Variants in MAPKAP1 observed in about 807,000 individuals in gnomAD.
MAPKAP1 encodes the protein target of rapamycin complex 2 subunit MAPKAP1.
In MAPKAP1, 20 loss-of-function variants were observed where a neutral mutation model predicts 65.7. The observed-to-expected ratio is 0.30, with a 90% CI of 0.21 to 0.44. MAPKAP1 has a LOEUF of 0.44. Among genes scored for constraint, MAPKAP1 ranks in the 20% least tolerant of loss-of-function variants. MAPKAP1 has a pLI of 1.00. For missense variants in MAPKAP1, 423 were observed against 648.0 expected, an observed-to-expected ratio of 0.65 and a Z score of 3.77; for synonymous variants, 222 against 244.3, an observed-to-expected ratio of 0.91 and a Z score of 0.85.
chr9:125,556,991 G>C (rs534711883), intron 6 of MAPKAP1, among the ~76,000 whole-genome samples: 1 of 152,304 alleles, frequency 6.6e-6, no homozygotes, highest in Non-Finnish European at 1.5e-5. Context: ...AAACACTCCA[G>C]ACACATCAAA....
intron 7 of MAPKAP1, among the ~76,000 whole-genome samples, chr9:125,531,740 G>C (rs771026155): frequency 1.3e-5 from 2 of 152,004 alleles, no homozygotes; most frequent in Non-Finnish European, 2.9e-5. Flanking sequence ...CCATCACCTA[G>C]ACCTATAGTC....
intron 3 of MAPKAP1, among the ~76,000 whole-genome samples, chr9:125,669,607 T>G (rs182615787): frequency 1.3e-5 from 2 of 152,290 alleles, no homozygotes; most frequent in Admixed American, 1.3e-4. Flanking sequence ...TCAATCCCTG[T>G]GACCCAGAGT....
chr9:125,547,661 G>A (rs1057269505), intron 6 of MAPKAP1, among the ~76,000 whole-genome samples: 3 of 152,120 alleles, frequency 2.0e-5, no homozygotes, highest in Non-Finnish European at 4.4e-5. Flanking sequence ...TTATCGGGGG[G>A]TGGGAGTCTC....
chr9:125,444,361 C>A, intron 11 of MAPKAP1, 140 bp downstream of exon 11: 1 of 641,672 alleles, frequency 1.6e-6, no homozygotes. Context: ...TGGCAAGCTG[C>A]GACACTCCTC....
intron 4 of MAPKAP1, chr9:125,652,380 A>G (rs1385388490): frequency 1.8e-6 from 1 of 557,484 alleles, no homozygotes; most frequent in African/African-American, 2.0e-5. Flanking sequence ...TTCAGGCTCG[A>G]CATTGTGGAA....
intron 1 of MAPKAP1, among the ~76,000 whole-genome samples, chr9:125,700,217 T>C (rs1362005320): frequency 1.3e-5 from 2 of 152,248 alleles, no homozygotes; most frequent in Non-Finnish European, 2.9e-5. Context: ...AAATACTCGC[T>C]TTATTTTCAA....
chr9:125,503,880 C>CTTCTTTTTTTT (rs1829057864), intron 8 of MAPKAP1, among the ~76,000 whole-genome samples: 1 of 66,258 alleles, frequency 1.5e-5, no homozygotes, highest in Non-Finnish European at 2.5e-5. Context: ...CCACGCTTGG[C>CTTCTTTTTTTT]TTTTTTTTTT....
At chr9:125,576,566 C>G (rs1021858485) in intron 5 of MAPKAP1, among the ~76,000 whole-genome samples, 5 of 152,216 alleles carry the variant, frequency 3.3e-5, no homozygotes, top group African/African-American at 7.2e-5. Context: ...CCTCTGATGC[C>G]CAGCCGAAGC....
intron 6 of MAPKAP1, among the ~76,000 whole-genome samples, chr9:125,545,050 A>G (rs939733787): frequency 2.6e-5 from 4 of 152,224 alleles, no homozygotes; most frequent in African/African-American, 9.6e-5. Context: ...ACCATCATCC[A>G]TTTTAACTTG....
chr9:125,603,419 T>G (rs1046996354), intron 4 of MAPKAP1, among the ~76,000 whole-genome samples: 14 of 152,040 alleles, frequency 9.2e-5, no homozygotes, highest in African/African-American at 3.4e-4. Flanking sequence ...AGCAAGCACA[T>G]GACATCAACA....
intron 1 of MAPKAP1, among the ~76,000 whole-genome samples, chr9:125,704,146 T>A (rs1319466712): frequency 1.3e-5 from 2 of 152,204 alleles, no homozygotes; most frequent in African/African-American, 4.8e-5. Context: ...CGCATCCACA[T>A]CACAAAGAAC....
rs540199855 is a variant in MAPKAP1 at position 125,518,190 on chromosome 9, A to C, written c.959-11773T>G. 4.1e-4 allele frequency among the ~76,000 whole-genome samples: 63 copies of C among 152,378 alleles called. 1 individual carries two copies. In the South Asian group the frequency reaches 0.013, roughly 31 times the overall value. On this transcript the variant is annotated intron_variant, in intron 7 of 11. Transcript: ENST00000265960. ...CATTAAAGTACCGTTTTAATATAAA[A>C]AATTTCATACAACCTAAACATTTAC...
chr9:125,689,815 G>A (rs1253039837), intron 1 of MAPKAP1, among the ~76,000 whole-genome samples: 1 of 147,172 alleles, frequency 6.8e-6, no homozygotes, highest in African/African-American at 2.5e-5. Flanking sequence ...GGCCAGGCGC[G>A]GTGGCTCACG....
intron 5 of MAPKAP1, among the ~76,000 whole-genome samples, chr9:125,577,558 G>T (rs1831464433): frequency 7.7e-6 from 1 of 130,600 alleles, no homozygotes; most frequent in Non-Finnish European, 1.7e-5. Flanking sequence ...GTCCAGGAGG[G>T]AGGTGGGGGG....
intron 8 of MAPKAP1, among the ~76,000 whole-genome samples, chr9:125,494,423 C>T (rs1854860485): frequency 6.6e-6 from 1 of 152,170 alleles, no homozygotes; most frequent in Non-Finnish European, 1.5e-5. Flanking sequence ...TCTTTGCTGT[C>T]AGTGCTTAAT....
chr9:125,510,563 C>T (rs906773317), intron 7 of MAPKAP1, among the ~76,000 whole-genome samples: 4 of 152,178 alleles, frequency 2.6e-5, no homozygotes, highest in Non-Finnish European at 4.4e-5. Context: ...TAATATTCTA[C>T]GCTCAGTTTA....
At chr9:125,460,308 GA>G (rs1053806026) in intron 10 of MAPKAP1, among the ~76,000 whole-genome samples, 65 of 137,358 alleles carry the variant, frequency 4.7e-4, no homozygotes, top group African/African-American at 7.2e-4. Context: ...TCTCCCAGGA[GA>G]AAAAAAAAAA....
chr9:125,459,917 A>T (rs1325577280), intron 10 of MAPKAP1, among the ~76,000 whole-genome samples: 1 of 151,200 alleles, frequency 6.6e-6, no homozygotes, highest in East Asian at 2.0e-4. Context: ...TTTGATTTTA[A>T]TGAAACTATG....
At chr9:125,549,710 C>T (rs999085408) in intron 6 of MAPKAP1, among the ~76,000 whole-genome samples, 12 of 152,086 alleles carry the variant, frequency 7.9e-5, no homozygotes, top group Non-Finnish European at 1.3e-4. Context: ...TTGCCAAATC[C>T]GGTCATGCCT....
Sources: allele counts gnomAD v4.1 joint callset (sites outside exome capture counted in the v4.1 genomes callset), GRCh38; gene constraint gnomAD v4.1.1; transcripts MANE v1.5; gene names NCBI Gene and HGNC (gene_info 2026-07-23, HGNC 2026-07-21).